The following BET1 variants were observed in gnomAD, a reference collection of about 807,000 sequenced individuals.
BET1 encodes the protein BET1 homolog.
Under a neutral mutation model 13.9 loss-of-function variants are expected in BET1, and 9 were observed. The ratio of observed to expected loss-of-function variants is 0.65; its 90% CI spans 0.39 to 1.13. The LOEUF (loss-of-function observed/expected upper bound fraction) is 1.13. Among genes scored for constraint, BET1 ranks in the 50% most tolerant of loss-of-function variants. The pLI is 0.01. For synonymous variants in BET1, 39 were observed against 47.3 expected (o/e 0.82, Z 0.72); for missense variants, 127 against 133.6 (o/e 0.95, Z 0.24).
At chr7:94,003,576 G>T (rs1795963223) in intron 1 of BET1, among the ~76,000 whole-genome samples, 1 of 152,100 alleles carries the variant, frequency 6.6e-6, no homozygotes, top group South Asian at 2.1e-4. Flanking sequence ...TCTTGCTGAT[G>T]AGCCAGTTTC....
downstream of BET1, chr7:93,993,203 C>T: frequency 1.0e-6 from 1 of 984,456 alleles, no homozygotes; most frequent in Non-Finnish European, 1.2e-6. Flanking sequence ...AGGACCATTT[C>T]TCAGATTCTA....
intron 4 of BET1, among the ~76,000 whole-genome samples, chr7:93,980,909 A>C (rs772560111): frequency 1.3e-5 from 2 of 152,182 alleles, no homozygotes; most frequent in Admixed American, 6.6e-5. Flanking sequence ...AAGGCAAAGA[A>C]GTTTTTATTG....
intron 6 of BET1, chr7:93,965,744 C>T (rs1376799716): frequency 6.6e-6 from 1 of 151,932 alleles, no homozygotes; most frequent in Non-Finnish European, 1.5e-5. Context: ...TAATTTGAAG[C>T]TTAAAATATA....
chr7:93,993,234 TAAAG>T (rs989131345), downstream of BET1: 9 of 973,584 alleles, frequency 9.2e-6, no homozygotes, highest in African/African-American at 1.4e-4. Flanking sequence ...AAAAGAGACT[TAAAG>T]AAGTAACACA....
At chr7:93,992,846 A>G (rs1345289005), downstream of BET1, 1 of 961,670 alleles carries the variant, frequency 1.0e-6, no homozygotes, top group Non-Finnish European at 1.2e-6. Context: ...GAATAGAGAT[A>G]TGAACCCAGG....
At chr7:93,992,740 A>C (rs915325146), downstream of BET1, 3 of 943,636 alleles carry the variant, frequency 3.2e-6, no homozygotes, top group East Asian at 2.3e-4. Context: ...ATCGCATACC[A>C]GGCACTTTAC....
chr7:93,993,836 C>T lies in BET1; in HGVS notation c.*394G>A. The T allele has an allele frequency of 6.5e-7, 1 of 1,533,190 alleles. No individual in the cohort carries two copies. Among genetic ancestry groups the T allele is most frequent in the Admixed American group, 2.0e-5 (1 of 50,388 alleles). 95.0% of individuals were successfully genotyped at this position (1,533,190 alleles called of 1,614,324 possible). A position where few individuals can be genotyped will look rare whatever the true frequency, so the allele number is the denominator to read the frequency against. ...CATTTTACCACAAACTGGCTGACTA[C>T]TTCAAGAGCTCAGAGTCAGGCTCTC... On this transcript the variant is annotated 3_prime_UTR_variant, in exon 4 of 4. Coordinates refer to ENST00000222547, the MANE Select transcript of BET1 (RefSeq NM_005868.6).
At chr7:93,988,044 A>G (rs1795560010) in intron 4 of BET1, among the ~76,000 whole-genome samples, 1 of 152,192 alleles carries the variant, frequency 6.6e-6, no homozygotes, top group Admixed American at 6.5e-5. Context: ...CAAGCCATAT[A>G]TTTTTATTAG....
chr7:93,973,489 A>T (rs545735699), intron 5 of BET1, among the ~76,000 whole-genome samples: 1 of 152,010 alleles, frequency 6.6e-6, no homozygotes, highest in Non-Finnish European at 1.5e-5. Flanking sequence ...AGCTCTGGGG[A>T]GACAAACTCT....
At chr7:93,987,638 A>T (rs1795552336) in intron 4 of BET1, among the ~76,000 whole-genome samples, 1 of 152,134 alleles carries the variant, frequency 6.6e-6, no homozygotes, top group East Asian at 1.9e-4. Flanking sequence ...ATAAGTGTGC[A>T]TGGTGCTAGG....
downstream of BET1, chr7:93,993,030 G>C (rs997355773): frequency 1.0e-5 from 10 of 983,464 alleles, no homozygotes; most frequent in Non-Finnish European, 8.5e-6. Flanking sequence ...TGAACAAAAA[G>C]AATTGAAAAC....
At chr7:93,967,323 G>T (rs546832398) in intron 6 of BET1, among the ~76,000 whole-genome samples, 1 of 151,844 alleles carries the variant, frequency 6.6e-6, no homozygotes, top group South Asian at 2.1e-4. Context: ...ATGTGGTTTG[G>T]TGGTCACAGT....
chr7:93,985,043 C>T (rs1795499745), intron 4 of BET1, among the ~76,000 whole-genome samples: 1 of 152,094 alleles, frequency 6.6e-6, no homozygotes, highest in South Asian at 2.1e-4. Flanking sequence ...AATTTTTAAT[C>T]AGGCTCAATT....
At chr7:93,983,224 C>T (rs1377458332) in intron 4 of BET1, among the ~76,000 whole-genome samples, 1 of 152,202 alleles carries the variant, frequency 6.6e-6, no homozygotes, top group Non-Finnish European at 1.5e-5. Context: ...TTTGGTGTCA[C>T]ATTATTCTTC....
intron 3 of BET1, among the ~76,000 whole-genome samples, chr7:93,995,034 TG>T (rs1277823328): frequency 1.3e-5 from 2 of 152,048 alleles, no homozygotes; most frequent in Non-Finnish European, 2.9e-5. Flanking sequence ...TTAGTAGAGA[TG>T]GGGTTTCACC....
intron 4 of BET1, among the ~76,000 whole-genome samples, chr7:93,981,622 T>G (rs1247830218): frequency 6.6e-6 from 1 of 152,208 alleles, no homozygotes; most frequent in Admixed American, 6.6e-5. Flanking sequence ...GATTCTCATA[T>G]AAATTCTCCA....
chr7:93,969,567 A>G (rs1353297459), intron 6 of BET1: 1 of 151,722 alleles, frequency 6.6e-6, no homozygotes, highest in Non-Finnish European at 1.5e-5. Flanking sequence ...TTCCCCTAGG[A>G]GAGAAAGATT....
chr7:93,972,920 T>A (rs901080310), intron 5 of BET1, among the ~76,000 whole-genome samples: 1 of 151,818 alleles, frequency 6.6e-6, no homozygotes, highest in East Asian at 1.9e-4. Context: ...GAAGATTCTA[T>A]TATTCTACTA....
chr7:93,990,220 T>C (rs142057725), downstream of BET1, among the ~76,000 whole-genome samples: 687 of 152,110 alleles, frequency 4.5e-3, 4 homozygotes, highest in African/African-American at 0.015. Context: ...AAATACAAAT[T>C]ACCTCACATA....
Sources: allele counts gnomAD v4.1 joint callset (sites outside exome capture counted in the v4.1 genomes callset), GRCh38; gene constraint gnomAD v4.1.1; transcripts MANE v1.5; gene names NCBI Gene and HGNC (gene_info 2026-07-23, HGNC 2026-07-21).